Variants in MARVELD2 observed in about 807,000 individuals in gnomAD.
MARVELD2 encodes the protein MARVEL domain containing 2.
A neutral mutation model predicts 57.6 loss-of-function variants in MARVELD2; 49 were observed. That is an observed-to-expected ratio of 0.85 (90% CI 0.68 to 1.08). The LOEUF (loss-of-function observed/expected upper bound fraction) is 1.08, where lower values mean the gene tolerates loss of function less well. Among genes scored for constraint, MARVELD2 ranks in the 50% least tolerant of loss-of-function variants. The pLI, the probability that MARVELD2 is intolerant of heterozygous loss-of-function variation, is 0.00. For missense variants in MARVELD2, 606 were observed against 701.1 expected, an observed-to-expected ratio of 0.86 and a Z score of 1.53; for synonymous variants, 238 against 258.8, an observed-to-expected ratio of 0.92 and a Z score of 0.77.
In MARVELD2 at chr5:69,444,001, C is replaced by A. The variant is rs1329635509; in HGVS notation, c.*2347C>A. On this transcript the variant is annotated 3_prime_UTR_variant, in exon 7 of 7. Transcript: ENST00000325631. ...TTAACATTTCACTTAAGAAGAGCAC[C>A]AGTGCTTTAAAAAAAAAAAAAGGTA... 1.4e-4 allele frequency: 1 copy of A among 7,170 alleles called. No individual in the cohort carries two copies. The highest frequency in any genetic ancestry group is 1.6e-4 in the African/African-American group (1 of 6,238). The allele number at this position is 7,170 out of a possible 1,614,324, so 0.4% of individuals were successfully genotyped here.
In MARVELD2 at chr5:69,442,158, T is replaced by C. The variant is rs1767347420; in HGVS notation, c.*504T>C. 6.5e-6 allele frequency: 1 copy of C among 152,840 alleles called. No individual in the cohort carries two copies. The highest frequency in any genetic ancestry group is 2.1e-4 in the South Asian group (1 of 4,866). 9.5% of individuals were successfully genotyped at this position (152,840 alleles called of 1,614,324 possible). On this transcript the variant is annotated 3_prime_UTR_variant, in exon 7 of 7. Transcript: ENST00000325631. Reference sequence around the variant, plus strand: ...TTCATATTCATCTATCTCATTTAAATGTGTCATCATTTTAGAGATCGTATC... The same window carrying C: ...TTCATATTCATCTATCTCATTTAAACGTGTCATCATTTTAGAGATCGTATC...
At chr5:69,438,712 C>T (rs1767233055) in intron 5 of MARVELD2, among the ~76,000 whole-genome samples, 1 of 151,972 alleles carries the variant, frequency 6.6e-6, no homozygotes, top group Non-Finnish European at 1.5e-5. Flanking sequence ...TGGTGAAACC[C>T]CATCTCTACT....
chr5:69,421,830 G>A (rs1561292704), intron 2 of MARVELD2, among the ~76,000 whole-genome samples: 2 of 134,454 alleles, frequency 1.5e-5, no homozygotes, highest in South Asian at 4.7e-4. Flanking sequence ...GTCTCACTCT[G>A]TTGCCAGAGT....
chr5:69,437,743 T>A (rs550626042), intron 5 of MARVELD2, among the ~76,000 whole-genome samples: 15 of 151,670 alleles, frequency 9.9e-5, no homozygotes, highest in Non-Finnish European at 1.6e-4. Flanking sequence ...CAACACCCAG[T>A]GGTATCTGGT....
intron 2 of MARVELD2, among the ~76,000 whole-genome samples, chr5:69,420,749 C>T (rs374103772): frequency 8.3e-4 from 126 of 151,616 alleles, no homozygotes; most frequent in African/African-American, 2.9e-3. Context: ...TTGGCTGTTA[C>T]ATAACATTGC....
intron 3 of MARVELD2, among the ~76,000 whole-genome samples, chr5:69,429,034 T>C (rs568845654): frequency 2.5e-4 from 38 of 152,244 alleles, no homozygotes; most frequent in African/African-American, 8.9e-4. Context: ...AACTTCAAAA[T>C]GTGTTGCCTA....
chr5:69,437,702 A>G (rs2150932119), intron 5 of MARVELD2, among the ~76,000 whole-genome samples: 1 of 151,600 alleles, frequency 6.6e-6, no homozygotes, highest in African/African-American at 2.4e-5. Flanking sequence ...AAAACAAAGA[A>G]AATCTTGACC....
chr5:69,429,906 A>G (rs72773427), intron 3 of MARVELD2, among the ~76,000 whole-genome samples: 4 of 102,776 alleles, frequency 3.9e-5, no homozygotes, highest in East Asian at 2.9e-4. Flanking sequence ...TTATTTATTT[A>G]TTTGTTTGTT....
chr5:69,416,310 TTATAA>T (rs1441086542), intron 1 of MARVELD2, among the ~76,000 whole-genome samples: 18 of 152,218 alleles, frequency 1.2e-4, no homozygotes, highest in Non-Finnish European at 2.1e-4. Context: ...TAACTGATTG[TTATAA>T]TATACAGAGC....
chr5:69,419,488 C>T lies in MARVELD2; in HGVS notation c.103C>T (p.His35Tyr). 6.2e-7 allele frequency: 1 copy of T among 1,614,176 alleles called. No homozygotes were observed. Among genetic ancestry groups the T allele is most frequent in the Non-Finnish European group, 8.5e-7 (1 of 1,180,034 alleles). Residue 35 changes from histidine (H) to tyrosine (Y), a missense_variant, in exon 2 of 7, where the codon CAT becomes TAT. By Grantham distance (83) the His-to-Tyr change is moderately conservative. Transcript: ENST00000325631. ...DTTIRTHPTL[H>Y]DSERAVSADP... is the part of the protein sequence containing the mutation. ...CACCATAAGAACCCACCCAACTCTT[C>T]ATGACAGTGAGCGGGCAGTGAGCGC...
At chr5:69,418,546 G>C (rs1449599936) in intron 1 of MARVELD2, among the ~76,000 whole-genome samples, 1 of 152,146 alleles carries the variant, frequency 6.6e-6, no homozygotes, top group Non-Finnish European at 1.5e-5. Context: ...TGCCTTGGGG[G>C]AGCCTTAGCC....
At chr5:69,428,667 T>TAAAAAAAAA (rs372799927) in intron 3 of MARVELD2, among the ~76,000 whole-genome samples, 4 of 83,850 alleles carry the variant, frequency 4.8e-5, no homozygotes, top group Non-Finnish European at 5.1e-5. Context: ...CTTAAAAAAA[T>TAAAAAAAAA]TTTATGTAGA....
chr5:69,419,430 T>A lies in MARVELD2; in HGVS notation c.45T>A (p.Asp15Glu). ...GRSRNRDRRY[D>E]EVPSDLPYQD... Reference sequence around the variant, plus strand: ...CCAGGAATCGGGACAGGCGCTACGATGAGGTCCCAAGCGACCTGCCCTATC... The same window carrying A: ...CCAGGAATCGGGACAGGCGCTACGAAGAGGTCCCAAGCGACCTGCCCTATC... Residue 15 changes from aspartate (D) to glutamate (E), a missense_variant, in exon 2 of 7, where the codon GAT becomes GAA. By Grantham distance (45) the Asp-to-Glu change is conservative. Transcript: ENST00000325631. 1 of 1,614,188 alleles carries A rather than the reference T, an allele frequency of 6.2e-7. No homozygotes were observed. Among genetic ancestry groups the A allele is most frequent in the Non-Finnish European group, 8.5e-7 (1 of 1,180,036 alleles).
At position 69,441,534 on chromosome 5, in the gene MARVELD2, T is replaced by A. The variant is rs1767324628; in HGVS notation, c.1557T>A (p.Asp519Glu). 1 of 1,610,622 alleles carries A rather than the reference T, an allele frequency of 6.2e-7. No homozygotes were observed. Among genetic ancestry groups the A allele is most frequent in the African/African-American group, 1.3e-5 (1 of 74,744 alleles). The change falls in exon 7 of 7, where the codon GAT (aspartate) becomes GAA (glutamate). Residue 519 changes from aspartate (D) to glutamate (E), a missense_variant and splice_region_variant. By Grantham distance (45) the Asp-to-Glu change is conservative. Coordinates refer to ENST00000325631, the MANE Select transcript of MARVELD2 (RefSeq NM_001038603.3). ...TAATACTTATATTTCTTTTACAGGA[T>A]CCTACATTTCTGGAAAAAAAAGAAC... The part of the protein sequence containing the change: ...IHEEFKKKKN[D>E]PTFLEKKERC...
rs1175586324 is a variant in MARVELD2 at position 69,420,228 on chromosome 5, C to T, written c.843C>T (p.Thr281=). 6.2e-7 allele frequency: 1 copy of T among 1,614,114 alleles called. No homozygotes were observed. The highest frequency in any genetic ancestry group is 2.2e-5 in the East Asian group (1 of 44,878). ...LVLGMSMYYR[T]ILLDSNWWPL... is the part of the protein sequence containing the mutation. ...TTGGCATGTCCATGTATTACCGGAC[C>T]ATTCTTCTGGACTCTAATTGGTGGC... Residue 281 remains threonine (T), a synonymous_variant, in exon 2 of 7, where the codon ACC becomes ACT. Coordinates refer to ENST00000325631, the MANE Select transcript of MARVELD2 (RefSeq NM_001038603.3).
chr5:69,436,123 G>T (rs1004774670), intron 5 of MARVELD2, among the ~76,000 whole-genome samples: 1 of 152,056 alleles, frequency 6.6e-6, no homozygotes, highest in Non-Finnish European at 1.5e-5. Flanking sequence ...AAATATTTGT[G>T]TAATATTCTG....
intron 5 of MARVELD2, among the ~76,000 whole-genome samples, chr5:69,434,766 G>A (rs1479210465): frequency 2.0e-5 from 3 of 151,832 alleles, no homozygotes; most frequent in African/African-American, 4.8e-5. Flanking sequence ...GCGCGATCTC[G>A]GCTCACTGCA....
chr5:69,433,221 G>A, intron 5 of MARVELD2, 128 bp downstream of exon 5: 1 of 958,968 alleles, frequency 1.0e-6, no homozygotes, highest in Admixed American at 2.5e-5. Flanking sequence ...GGAGTGCAGT[G>A]GCACAATCTT....
At chr5:69,430,333 C>T (rs1312801723) in intron 3 of MARVELD2, among the ~76,000 whole-genome samples, 1 of 152,032 alleles carries the variant, frequency 6.6e-6, no homozygotes, top group Non-Finnish European at 1.5e-5. Context: ...TGCCACTGCA[C>T]TCCAGCCTGG....
Sources: gnomAD v4.1 joint callset for allele counts (sites outside exome capture counted in the v4.1 genomes callset) on GRCh38, gnomAD v4.1.1 for gene constraint, MANE v1.5 for transcripts, NCBI Gene and HGNC (gene_info 2026-07-23, HGNC 2026-07-21) for gene names.